The following NEK7 variants were observed in gnomAD, a reference collection of about 807,000 sequenced individuals.
NEK7 encodes NIMA related kinase 7, also known as serine/threonine-protein kinase Nek7.
A neutral mutation model predicts 44.6 loss-of-function variants in NEK7; 18 were observed. The ratio of observed to expected loss-of-function variants is 0.40; its 90% CI spans 0.28 to 0.60. NEK7 has a LOEUF of 0.60. Among genes scored for constraint, NEK7 ranks in the 20% least tolerant of loss-of-function variants. The probability of loss-of-function intolerance (pLI) is 0.38; values close to 1 mark genes in which losing one functional copy is unlikely to be tolerated. For synonymous variants in NEK7, 130 were observed against 121.1 expected, an observed-to-expected ratio of 1.07 and a Z score of -0.48; for missense variants, 256 against 366.5, an observed-to-expected ratio of 0.70 and a Z score of 2.46.
At chr1:198,211,281 C>A (rs1055318065) in intron 1 of NEK7, among the ~76,000 whole-genome samples, 1 of 152,084 alleles carries the variant, frequency 6.6e-6, no homozygotes, top group African/African-American at 2.4e-5. Context: ...CAATGAGTGT[C>A]AGGAAACAGA....
intron 7 of NEK7, among the ~76,000 whole-genome samples, chr1:198,287,020 G>T (rs549152797): frequency 2.0e-5 from 3 of 152,028 alleles, no homozygotes; most frequent in Non-Finnish European, 2.9e-5. Context: ...TGCCACTACC[G>T]TAACATAAAC....
intron 3 of NEK7, chr1:198,256,404 C>T (rs1033342058): frequency 9.3e-6 from 15 of 1,611,960 alleles, no homozygotes; most frequent in Non-Finnish European, 1.2e-5. Flanking sequence ...ATAAAGGGAT[C>T]TGAGAGCCTA....
intron 9 of NEK7, among the ~76,000 whole-genome samples, chr1:198,317,879 T>TTTA (rs1553258419): frequency 1.4e-4 from 11 of 76,314 alleles, no homozygotes; most frequent in Non-Finnish European, 2.6e-4. Context: ...ATATATTTAT[T>TTTA]TTTTTTTTTT....
intron 9 of NEK7, among the ~76,000 whole-genome samples, chr1:198,307,899 A>T (rs1414624448): frequency 6.6e-6 from 1 of 151,290 alleles, no homozygotes; most frequent in Non-Finnish European, 1.5e-5. Flanking sequence ...TCAAACCAAA[A>T]GACCAAGTAG....
intron 1 of NEK7, among the ~76,000 whole-genome samples, chr1:198,212,584 C>T (rs1009436437): frequency 1.2e-4 from 18 of 152,214 alleles, no homozygotes; most frequent in African/African-American, 3.9e-4. Context: ...TGTGCCTGCA[C>T]GTGGGGAGCC....
At chr1:198,217,842 A>T (rs1049596595) in intron 1 of NEK7, among the ~76,000 whole-genome samples, 3 of 93,636 alleles carry the variant, frequency 3.2e-5, no homozygotes, top group Admixed American at 1.0e-4. Context: ...AATAGCTATA[A>T]AAAAAAAAAA....
chr1:198,286,416 G>A (rs538879307), intron 7 of NEK7, among the ~76,000 whole-genome samples: 2 of 145,476 alleles, frequency 1.4e-5, no homozygotes, highest in Non-Finnish European at 3.0e-5. Context: ...GCTTTTAGAG[G>A]TCACACTTTT....
At chr1:198,282,434 C>T (rs1167531786) in intron 7 of NEK7, among the ~76,000 whole-genome samples, 3 of 152,098 alleles carry the variant, frequency 2.0e-5, no homozygotes, top group African/African-American at 7.2e-5. Context: ...TGTTTTTCCT[C>T]TTGCTTTCTT....
intron 9 of NEK7, among the ~76,000 whole-genome samples, chr1:198,309,037 T>A (rs1334246488): frequency 1.3e-5 from 2 of 152,160 alleles, no homozygotes; most frequent in Non-Finnish European, 2.9e-5. Flanking sequence ...AAAACAGACA[T>A]TTAATGAAGT....
intron 9 of NEK7, among the ~76,000 whole-genome samples, chr1:198,306,775 G>T (rs1655036157): frequency 6.6e-6 from 1 of 152,026 alleles, no homozygotes. Context: ...ACAAAAGTAG[G>T]TTACTTGTGA....
intron 1 of NEK7, among the ~76,000 whole-genome samples, chr1:198,174,759 G>T (rs916247266): frequency 3.3e-5 from 5 of 151,424 alleles, no homozygotes. Flanking sequence ...TTTGTTTTTT[G>T]TTGTTTTTTT....
rs185478953 is a variant in NEK7 at position 198,290,223 on chromosome 1, G to C, written c.590-2722G>C. Among the ~76,000 whole-genome samples, 216 of 152,276 alleles carry C rather than the reference G, an allele frequency of 1.4e-3. 1 individual carries two copies. The highest frequency in any genetic ancestry group is 2.3e-3 in the Non-Finnish European group (159 of 68,004). The stretch of plus-strand genomic sequence containing the variant: ...TTCAAGCTTCTCAATACATAGGACA[G>C]TAATTCGCATGATCATTTTAATGTC... On this transcript the variant is annotated intron_variant, in intron 7 of 9. Coordinates refer to ENST00000367385, the MANE Select transcript of NEK7 (RefSeq NM_133494.3).
At chr1:198,205,215 A>G (rs1665559355) in intron 1 of NEK7, among the ~76,000 whole-genome samples, 1 of 152,228 alleles carries the variant, frequency 6.6e-6, no homozygotes, top group African/African-American at 2.4e-5. Flanking sequence ...GGCCAAAAAC[A>G]GCGGCAGTTT....
At chr1:198,224,695 A>AGTAT (rs1233025381) in intron 1 of NEK7, among the ~76,000 whole-genome samples, 1 of 152,054 alleles carries the variant, frequency 6.6e-6, no homozygotes, top group East Asian at 1.9e-4. Context: ...TAAATAAATT[A>AGTAT]GTATGTATTT....
chr1:198,175,972 A>G (rs1664592475), intron 1 of NEK7, among the ~76,000 whole-genome samples: 1 of 152,202 alleles, frequency 6.6e-6, no homozygotes, highest in Non-Finnish European at 1.5e-5. Context: ...CTGTCTTCTC[A>G]TGCTATGTAC....
chr1:198,295,986 A>G (rs765625559), intron 8 of NEK7, among the ~76,000 whole-genome samples: 6 of 152,150 alleles, frequency 3.9e-5, no homozygotes, highest in Non-Finnish European at 7.3e-5. Flanking sequence ...AAACATAGGC[A>G]AGATAAAAAT....
At chr1:198,300,911 A>G (rs975969176) in intron 9 of NEK7, among the ~76,000 whole-genome samples, 9 of 152,206 alleles carry the variant, frequency 5.9e-5, no homozygotes, top group Non-Finnish European at 1.0e-4. Flanking sequence ...TATTTTACAT[A>G]GGCATCATTT....
intron 2 of NEK7, among the ~76,000 whole-genome samples, chr1:198,247,102 CACTT>C (rs551448882): frequency 5.3e-5 from 8 of 152,244 alleles, no homozygotes; most frequent in African/African-American, 1.9e-4. Flanking sequence ...GTCACATTGA[CACTT>C]AATTGTAAAT....
chr1:198,218,160 C>G (rs1320373004), intron 1 of NEK7, among the ~76,000 whole-genome samples: 2 of 152,044 alleles, frequency 1.3e-5, no homozygotes, highest in Admixed American at 1.3e-4. Context: ...CATTACCTGA[C>G]TTCAAATCAT....
Sources: allele counts gnomAD v4.1 joint callset (sites outside exome capture counted in the v4.1 genomes callset), GRCh38; gene constraint gnomAD v4.1.1; transcripts MANE v1.5; gene names NCBI Gene and HGNC (gene_info 2026-07-23, HGNC 2026-07-21).